TENM3: variants seen among roughly 807,000 people sequenced by gnomAD.
TENM3 encodes teneurin transmembrane protein 3.
TENM3 carries 63 observed loss-of-function variants against 255.1 expected under a neutral mutation model. The observed-to-expected ratio is 0.25, with a 90% confidence interval of 0.20 to 0.30. The LOEUF is 0.30. Ranked by LOEUF, TENM3 falls within the 10% of genes least tolerant of loss-of-function variation. The pLI is 1.00. For missense variants in TENM3, 2,929 were observed against 3,461.1 expected (o/e 0.85, Z 3.86); for synonymous variants, 1,306 against 1,322.3 (o/e 0.99, Z 0.27).
the TENM3 span, among the ~76,000 whole-genome samples, chr4:181,752,326 G>A: frequency 6.2e-3 from 951 of 152,266 alleles, 5 homozygotes; most frequent in Middle Eastern, 0.031. Context: ...GAGGCGGGCA[G>A]ATCTCCTCAG....
chr4:181,822,009 T>C, the TENM3 span, among the ~76,000 whole-genome samples: 1 of 152,230 alleles, frequency 6.6e-6, no homozygotes, highest in East Asian at 1.9e-4. Context: ...CATTGCATTA[T>C]ATAATGGGAG....
chr4:182,491,679 A>G (rs946758677), intron 3 of TENM3, among the ~76,000 whole-genome samples: 4 of 152,156 alleles, frequency 2.6e-5, no homozygotes, highest in Non-Finnish European at 5.9e-5. Flanking sequence ...TCAGTTGATT[A>G]TAAGAAGTCC....
the TENM3 span, among the ~76,000 whole-genome samples, chr4:181,695,540 T>C: frequency 6.6e-6 from 1 of 152,200 alleles, no homozygotes; most frequent in Non-Finnish European, 1.5e-5. Context: ...CTTTCTTTCT[T>C]TCCACTGGCA....
the TENM3 span, among the ~76,000 whole-genome samples, chr4:181,622,923 A>G: frequency 6.6e-6 from 1 of 152,078 alleles, no homozygotes; most frequent in Non-Finnish European, 1.5e-5. Context: ...TACACACATT[A>G]CTAACTTAAT....
intron 3 of TENM3, among the ~76,000 whole-genome samples, chr4:182,358,434 A>G (rs1161068655): frequency 6.6e-6 from 1 of 151,826 alleles, no homozygotes; most frequent in Admixed American, 6.6e-5. Flanking sequence ...GGTCCTTCAC[A>G]TCCCTTGTAA....
chr4:181,848,415 C>T, the TENM3 span, among the ~76,000 whole-genome samples: 3 of 152,146 alleles, frequency 2.0e-5, no homozygotes, highest in Non-Finnish European at 4.4e-5. Flanking sequence ...GACACGAGCT[C>T]TTCTAGAAAT....
chr4:181,721,172 A>T, the TENM3 span, among the ~76,000 whole-genome samples: 1 of 151,994 alleles, frequency 6.6e-6, no homozygotes, highest in Admixed American at 6.6e-5. Context: ...AGGCAAGAAG[A>T]TATGTAAACT....
At chr4:182,313,900 C>T (rs1762591716) in intron 1 of TENM3, among the ~76,000 whole-genome samples, 1 of 152,228 alleles carries the variant, frequency 6.6e-6, no homozygotes, top group Non-Finnish European at 1.5e-5. Flanking sequence ...CCACTCCATC[C>T]CTTTTCCCCT....
At chr4:181,834,304 A>C in the TENM3 span, among the ~76,000 whole-genome samples, 1 of 152,202 alleles carries the variant, frequency 6.6e-6, no homozygotes, top group Non-Finnish European at 1.5e-5. Context: ...TACACTAAAG[A>C]GAGATGCCCA....
intron 1 of TENM3, among the ~76,000 whole-genome samples, chr4:182,274,174 A>G (rs1356965745): frequency 6.6e-6 from 1 of 152,240 alleles, no homozygotes; most frequent in Admixed American, 6.5e-5. Context: ...AGAAACTTCT[A>G]GGGGAAGCTG....
chr4:181,591,899 T>C, the TENM3 span, among the ~76,000 whole-genome samples: 2 of 151,966 alleles, frequency 1.3e-5, no homozygotes, highest in African/African-American at 2.4e-5. Flanking sequence ...AAATGACTTA[T>C]TGAAACCCAC....
At chr4:182,045,002 G>GTAATCATACAGAGAGGC in the TENM3 span, among the ~76,000 whole-genome samples, 1 of 152,206 alleles carries the variant, frequency 6.6e-6, no homozygotes, top group Admixed American at 6.5e-5. Flanking sequence ...GTATCTCTAT[G>GTAATCATACAGAGAGGC]TTTGTTGTCT....
chr4:182,437,877 A>C (rs954530372), intron 3 of TENM3, among the ~76,000 whole-genome samples: 7 of 151,976 alleles, frequency 4.6e-5, no homozygotes, highest in African/African-American at 1.7e-4. Context: ...GCTTGAGCCC[A>C]GGAAGCAGTG....
chr4:181,482,933 A>G, the TENM3 span, among the ~76,000 whole-genome samples: 1 of 152,282 alleles, frequency 6.6e-6, no homozygotes, highest in East Asian at 1.9e-4. Context: ...AGAGTGAGAT[A>G]TGAACATTCC....
chr4:181,883,664 C>G, the TENM3 span, among the ~76,000 whole-genome samples: 1 of 151,966 alleles, frequency 6.6e-6, no homozygotes, highest in African/African-American at 2.4e-5. Context: ...TTAGTAGAGA[C>G]GGGGTTTCAT....
At chr4:181,574,496 A>G in the TENM3 span, among the ~76,000 whole-genome samples, 9 of 151,384 alleles carry the variant, frequency 5.9e-5, no homozygotes, top group Non-Finnish European at 8.9e-5. Context: ...GTGCCACTGC[A>G]GTCCGCAGTC....
At chr4:181,853,809 G>A in the TENM3 span, among the ~76,000 whole-genome samples, 1 of 152,234 alleles carries the variant, frequency 6.6e-6, no homozygotes, top group African/African-American at 2.4e-5. Flanking sequence ...GCTCTGCCCA[G>A]CATGCTGTAG....
the TENM3 span, among the ~76,000 whole-genome samples, chr4:182,092,123 C>A: frequency 6.6e-6 from 1 of 150,956 alleles, no homozygotes; most frequent in African/African-American, 2.4e-5. Context: ...GTGGATCACT[C>A]GAGGTCAGGA....
chr4:182,719,252 C>CTTTTTTTTTTTTT lies in TENM3; in HGVS notation c.2368+5034_2368+5046dup, dbSNP rs11348241. The stretch of plus-strand genomic sequence containing the variant: ...AGTAAAATAGAGTTCTTTTTTTTTT[C>CTTTTTTTTTTTTT]TTTTTTTTTTTTTTTTTTTTTTTTT... On this transcript the variant is annotated intron_variant, in intron 13 of 27. Coordinates refer to ENST00000511685, the MANE Select transcript of TENM3 (RefSeq NM_001080477.4). Among the ~76,000 whole-genome samples the CTTTTTTTTTTTTT allele has an allele frequency of 3.1e-3, 252 of 80,888 alleles. 8 individuals carry two copies. Among genetic ancestry groups the CTTTTTTTTTTTTT allele is most frequent in the African/African-American group, 3.4e-3 (64 of 18,946 alleles). 53.1% of individuals were successfully genotyped at this position (80,888 alleles called of 152,430 possible).
Sources: gnomAD v4.1 joint callset for allele counts (sites outside exome capture counted in the v4.1 genomes callset) on GRCh38, gnomAD v4.1.1 for gene constraint, MANE v1.5 for transcripts, NCBI Gene and HGNC (gene_info 2026-07-23, HGNC 2026-07-21) for gene names.